The following ITGAL variants were observed in gnomAD, a reference collection of about 807,000 sequenced individuals.
ITGAL encodes integrin subunit alpha L, also known as integrin alpha-L.
Under a neutral mutation model 138.4 loss-of-function variants are expected in ITGAL, and 68 were observed. The observed-to-expected ratio is 0.49, with a 90% CI of 0.40 to 0.60. The LOEUF is 0.60. Ranked by LOEUF, ITGAL falls within the 20% of genes least tolerant of loss-of-function variation. The pLI is 0.00. For missense variants in ITGAL, 1,256 were observed against 1,478.6 expected, an observed-to-expected ratio of 0.85 and a Z score of 2.47; for synonymous variants, 561 against 584.3, an observed-to-expected ratio of 0.96 and a Z score of 0.57.
chr16:30,484,533 A>C (rs1008534937), intron 9 of ITGAL, among the ~76,000 whole-genome samples: 1 of 152,030 alleles, frequency 6.6e-6, no homozygotes, highest in Non-Finnish European at 1.5e-5. Flanking sequence ...GCTTGAACTC[A>C]GGAGGCAGAG....
chr16:30,489,397 C>T lies in ITGAL; in HGVS notation c.1213+11C>T. ...GAGCAGGCTATTTGGGTGAGTACTT[C>T]TCTTTTCTGCTGGGATCTTCTGGTT... On this transcript the variant is annotated intron_variant, in intron 11 of 30. Coordinates refer to ENST00000356798, the MANE Select transcript of ITGAL (RefSeq NM_002209.3). 6.2e-7 allele frequency: 1 copy of T among 1,613,404 alleles called. No individual in the cohort carries two copies. Among genetic ancestry groups the T allele is most frequent in the Non-Finnish European group, 8.5e-7 (1 of 1,179,392 alleles).
In ITGAL at chr16:30,484,108, C is replaced by T. The variant is rs199535896; in HGVS notation, c.856-5C>T. On this transcript the variant is annotated splice_region_variant and splice_polypyrimidine_tract_variant and intron_variant, in intron 8 of 30. Coordinates refer to ENST00000356798, the MANE Select transcript of ITGAL (RefSeq NM_002209.3). ...TTCAGCTCTTCACTCTCCACTCCCT[C>T]ACAGATTGGAAAGCATTTTCAGACC... 5.8e-5 allele frequency: 94 copies of T among 1,613,114 alleles called. No individual in the cohort carries two copies. The highest frequency in any genetic ancestry group is 7.6e-5 in the Non-Finnish European group (90 of 1,179,388).
chr16:30,506,837 G>T lies in ITGAL; in HGVS notation c.2489G>T (p.Arg830Leu). The change falls in exon 21 of 31, where the codon CGC (arginine) becomes CTC (leucine). Residue 830 changes from arginine (R) to leucine (L), a missense_variant. Arg to Leu is a moderately radical substitution (Grantham distance 102, BLOSUM62 -2). This residue lies in a region of ITGAL where 867 missense variants were observed against 972.5 expected (regional missense o/e 0.89). Transcript: ENST00000356798. ...DLHFPPGLSFRKVEMLKPHSQ... is the reference protein window; with the variant it reads ...DLHFPPGLSFLKVEMLKPHSQ... ...CACTTCCCCCCGGGACTCTCCTTCCGCAAGGTGGAGATGCTGAAGGTGGGT... is the reference window on the plus strand; with the variant it reads ...CACTTCCCCCCGGGACTCTCCTTCCTCAAGGTGGAGATGCTGAAGGTGGGT... The T allele has an allele frequency of 6.2e-7, 1 of 1,613,856 alleles. No homozygotes were observed. Among genetic ancestry groups the T allele is most frequent in the Non-Finnish European group, 8.5e-7 (1 of 1,179,840 alleles).
At chr16:30,503,867 C>T (rs892657894) in intron 17 of ITGAL, 4 of 203,712 alleles carry the variant, frequency 2.0e-5, no homozygotes, top group Non-Finnish European at 4.0e-5. Context: ...CTTAAGCAAA[C>T]TTTGATAATG....
chr16:30,518,038 A>G, intron 28 of ITGAL, 143 bp downstream of exon 28: 1 of 677,200 alleles, frequency 1.5e-6, no homozygotes, highest in Non-Finnish European at 2.7e-6. Flanking sequence ...GTCACAGGTG[A>G]AAGAGAACAA....
At position 30,483,821 on chromosome 16, in the gene ITGAL, A is replaced by G. The variant is rs2050593375; in HGVS notation, c.723-6A>G. On this transcript the variant is annotated splice_region_variant and splice_polypyrimidine_tract_variant and intron_variant, in intron 7 of 30. Transcript: ENST00000356798. ...AGTCTCTCATCTCCTCCTTTCCTGG[A>G]CACAGGACAGAGGTGTTCCGGGAGG... is the stretch of plus-strand genomic sequence containing the variant. The G allele has an allele frequency of 6.2e-7, 1 of 1,608,906 alleles. No individual in the cohort carries two copies. The highest frequency in any genetic ancestry group is 8.5e-7 in the Non-Finnish European group (1 of 1,176,634).
intron 17 of ITGAL, among the ~76,000 whole-genome samples, chr16:30,500,902 G>A (rs2050886030): frequency 1.3e-5 from 2 of 152,084 alleles, no homozygotes; most frequent in African/African-American, 2.4e-5. Flanking sequence ...TACTTGGGAG[G>A]CTGAGGCAGG....
At position 30,521,388 on chromosome 16, in the gene ITGAL, C is replaced by T. The variant is rs992836389; in HGVS notation, c.3340-104C>T. 5.1e-6 allele frequency: 5 copies of T among 972,206 alleles called. No individual in the cohort carries two copies. In the African/African-American group the frequency reaches 8.2e-5, roughly 16 times the overall value. 60.2% of individuals were successfully genotyped at this position (972,206 alleles called of 1,614,324 possible). The stretch of plus-strand genomic sequence containing the variant: ...CACCACTGCACTCCAGCCTGGGCAA[C>T]ACAGTGAGACTCCATCTCAAAAAAA... On this transcript the variant is annotated intron_variant, in intron 30 of 30. Transcript: ENST00000356798.
At chr16:30,517,250 G>C (rs891132529) in intron 26 of ITGAL, among the ~76,000 whole-genome samples, 164 bp downstream of exon 26, 1 of 152,124 alleles carries the variant, frequency 6.6e-6, no homozygotes, top group African/African-American at 2.4e-5. Flanking sequence ...CCAGGATTTT[G>C]AGACCAGCAT....
chr16:30,510,751 C>A (rs1395934946), intron 22 of ITGAL, 130 bp from the exon 23 acceptor site: 5 of 775,282 alleles, frequency 6.4e-6, no homozygotes, highest in South Asian at 4.7e-5. Context: ...TGGGTAGAAT[C>A]CTAGCTCAGT....
At chr16:30,496,602 C>T in intron 15 of ITGAL, 36 bp downstream of exon 15, 1 of 1,553,782 alleles carries the variant, frequency 6.4e-7, no homozygotes, top group Non-Finnish European at 8.7e-7. Flanking sequence ...CTGATGACCC[C>T]AGCTCTTATC....
At chr16:30,493,990 C>T (rs2050762641) in intron 11 of ITGAL, among the ~76,000 whole-genome samples, 1 of 152,174 alleles carries the variant, frequency 6.6e-6, no homozygotes, top group South Asian at 2.1e-4. Context: ...AGCTGCTTTT[C>T]CCTGGGTGTG....
At chr16:30,483,986 A>G (rs1327545410) in intron 8 of ITGAL, 27 bp downstream of exon 8, 3 of 1,603,462 alleles carry the variant, frequency 1.9e-6, no homozygotes, top group Non-Finnish European at 2.6e-6. Flanking sequence ...TTCCTGCATC[A>G]TATCTTCCCT....
Position 30,494,939 on chromosome 16 carries a change from T to C in ITGAL, c.1503+89T>C, listed in dbSNP as rs1012687662. On this transcript the variant is annotated intron_variant, in intron 13 of 30. Coordinates refer to ENST00000356798, the MANE Select transcript of ITGAL (RefSeq NM_002209.3). This position sits in a 1 kb window ranked among gnomAD's most constrained non-coding sequence, Gnocchi z 4.2. Reference sequence around the variant, plus strand: ...TATTCTGAAGGCTTTCTCTGTCTGGTCACGTGGCGATCAAACTTTTAGAAC... The same window carrying C: ...TATTCTGAAGGCTTTCTCTGTCTGGCCACGTGGCGATCAAACTTTTAGAAC... 3 of 1,432,884 alleles carry C rather than the reference T, an allele frequency of 2.1e-6. No individual in the cohort carries two copies. The highest frequency in any genetic ancestry group is 4.7e-5 in the East Asian group (2 of 42,624). 88.8% of individuals were successfully genotyped at this position (1,432,884 alleles called of 1,614,324 possible). A position where few individuals can be genotyped will look rare whatever the true frequency, so the allele number is the denominator to read the frequency against.
At chr16:30,492,382 C>G (rs912747528) in intron 11 of ITGAL, among the ~76,000 whole-genome samples, 2 of 151,608 alleles carry the variant, frequency 1.3e-5, no homozygotes, top group Non-Finnish European at 1.5e-5. Flanking sequence ...TCCTGAGTAG[C>G]CGGGACTACA....
intron 23 of ITGAL, 43 bp from the exon 24 acceptor site, chr16:30,511,007 A>G (rs1951098662): frequency 6.2e-7 from 1 of 1,610,780 alleles, no homozygotes. Flanking sequence ...AGACCTGGCC[A>G]AGCCCTTCTC....
At position 30,494,624 on chromosome 16, in the gene ITGAL, T is replaced by C. The variant is rs762131089; in HGVS notation, c.1366-89T>C. The C allele has an allele frequency of 7.0e-7, 1 of 1,429,988 alleles. No homozygotes were observed. Among genetic ancestry groups the C allele is most frequent in the Admixed American group, 2.4e-5 (1 of 41,306 alleles). 88.6% of individuals were successfully genotyped at this position (1,429,988 alleles called of 1,614,324 possible). A position where few individuals can be genotyped will look rare whatever the true frequency, so the allele number is the denominator to read the frequency against. On this transcript the variant is annotated intron_variant, in intron 12 of 30. Coordinates refer to ENST00000356798, the MANE Select transcript of ITGAL (RefSeq NM_002209.3). The surrounding 1 kb of genome is among the most constrained non-coding windows in gnomAD (Gnocchi z 4.2). The stretch of plus-strand genomic sequence containing the variant: ...AGATTGGAACCTGCATTTGAGGGAG[T>C]GGCACAAGATGAACACGGTACAGGT...
rs1264371238 is a variant in ITGAL, at chr16:30,474,250, C to A, written c.116C>A (p.Pro39Gln). ...DVRGARSFSP[P>Q]RAGRHFGYRV... is the part of the protein sequence containing the mutation. ...CGGGGCGCGCGGAGCTTCTCCCCAC[C>A]GCGCGCCGGGAGGCACTTTGGATAC... The change falls in exon 2 of 31, where the codon CCG (proline) becomes CAG (glutamine). Residue 39 changes from proline (P) to glutamine (Q), a missense_variant. Pro to Gln is a moderately conservative substitution (Grantham distance 76). This residue lies in a region of ITGAL where 212 missense variants were observed against 217.4 expected (regional missense o/e 0.98). Transcript: ENST00000356798. The A allele has an allele frequency of 3.7e-6, 6 of 1,609,060 alleles. No homozygotes were observed. The highest frequency in any genetic ancestry group is 5.1e-6 in the Non-Finnish European group (6 of 1,177,848).
chr16:30,505,310 G>T lies in ITGAL; in HGVS notation c.2292+10G>T. ...CTCGGAAACCTGGGAGGTAAGAGGG[G>T]AGAAGGGGCAGGCAGAGAGGCCTGG... On this transcript the variant is annotated intron_variant, in intron 19 of 30. Transcript: ENST00000356798. The T allele has an allele frequency of 6.2e-7, 1 of 1,613,256 alleles. No homozygotes were observed. Among genetic ancestry groups the T allele is most frequent in the Non-Finnish European group, 8.5e-7 (1 of 1,179,536 alleles).
Sources: allele counts gnomAD v4.1 joint callset (sites outside exome capture counted in the v4.1 genomes callset), GRCh38; gene constraint gnomAD v4.1.1; regional missense constraint gnomAD v4.1.1; non-coding constraint Gnocchi (gnomAD v3.1); transcripts MANE v1.5; gene names NCBI Gene and HGNC (gene_info 2026-07-23, HGNC 2026-07-21).